The following ADAMTS3 variants were observed in gnomAD, a reference collection of about 807,000 sequenced individuals.
ADAMTS3 encodes the protein A disintegrin and metalloproteinase with thrombospondin motifs 3.
Under a neutral mutation model 129.0 loss-of-function variants are expected in ADAMTS3, and 73 were observed. The ratio of observed to expected loss-of-function variants is 0.57; its 90% CI spans 0.47 to 0.69. The LOEUF (loss-of-function observed/expected upper bound fraction) is 0.69. Among genes scored for constraint, ADAMTS3 ranks in the 30% least tolerant of loss-of-function variants. ADAMTS3 has a pLI of 0.00. For synonymous variants in ADAMTS3, 477 were observed against 510.8 expected (o/e 0.93, Z 0.89); for missense variants, 1,457 against 1,514.5 (o/e 0.96, Z 0.63).
intron 4 of ADAMTS3, among the ~76,000 whole-genome samples, chr4:72,414,081 A>T (rs1462635604): frequency 1.3e-5 from 2 of 151,832 alleles, no homozygotes; most frequent in Non-Finnish European, 1.5e-5. Context: ...TCTATTCTTC[A>T]TTAAGAAAGT....
At chr4:72,413,142 A>G (rs190071454) in intron 4 of ADAMTS3, among the ~76,000 whole-genome samples, 74 of 152,112 alleles carry the variant, frequency 4.9e-4, no homozygotes, top group African/African-American at 1.8e-3. Context: ...GCTAATATTT[A>G]TAGAAATAGA....
chr4:72,529,708 A>G (rs1308500176), intron 3 of ADAMTS3, among the ~76,000 whole-genome samples: 4 of 115,970 alleles, frequency 3.4e-5, no homozygotes, highest in Non-Finnish European at 6.7e-5. Context: ...TATTAATATT[A>G]AATATAATAT....
intron 3 of ADAMTS3, among the ~76,000 whole-genome samples, chr4:72,425,127 C>G (rs1188613271): frequency 6.6e-6 from 1 of 152,026 alleles, no homozygotes; most frequent in Admixed American, 6.6e-5. Context: ...AATGTATTAG[C>G]AATGCTTGGC....
rs1418132019 is a variant in ADAMTS3 at position 72,313,635 on chromosome 4, T to C, written c.1745+42A>G. The stretch of plus-strand genomic sequence containing the variant: ...AATAACATAATATTGAAGTATTTTC[T>C]GGTCTCTCCAAAAATAACAAGAGTT... On this transcript the variant is annotated intron_variant, in intron 12 of 21. Coordinates refer to ENST00000286657, the MANE Select transcript of ADAMTS3 (RefSeq NM_014243.3). 4 of 1,600,026 alleles carry C rather than the reference T, an allele frequency of 2.5e-6. No homozygotes were observed. In the African/African-American group the frequency reaches 4.0e-5, roughly 16 times the overall value.
chr4:72,450,202 A>G (rs1718357880), intron 3 of ADAMTS3, among the ~76,000 whole-genome samples: 1 of 151,782 alleles, frequency 6.6e-6, no homozygotes, highest in African/African-American at 2.4e-5. Context: ...AGTTTGAAAA[A>G]GAGGTGGACA....
At chr4:72,494,533 A>G (rs1719825890) in intron 3 of ADAMTS3, among the ~76,000 whole-genome samples, 1 of 152,150 alleles carries the variant, frequency 6.6e-6, no homozygotes. Flanking sequence ...TAATTTCCTT[A>G]AAAGAATTAT....
At chr4:72,410,549 T>C (rs2109920629) in intron 4 of ADAMTS3, among the ~76,000 whole-genome samples, 1 of 152,228 alleles carries the variant, frequency 6.6e-6, no homozygotes, top group Admixed American at 6.5e-5. Flanking sequence ...AGGGATTAAA[T>C]TAAAAATGTA....
At chr4:72,479,264 G>A (rs1353989471) in intron 3 of ADAMTS3, among the ~76,000 whole-genome samples, 1 of 152,128 alleles carries the variant, frequency 6.6e-6, no homozygotes, top group Admixed American at 6.6e-5. Flanking sequence ...GAACAAAGCT[G>A]GAGGCATCAC....
At position 72,548,864 on chromosome 4, in the gene ADAMTS3, T is replaced by C; in HGVS notation, c.118A>G (p.Arg40Gly). Residue 40 changes from arginine to glycine, a missense_variant, in exon 3 of 22, where the codon AGA becomes GGA. Arg to Gly is a moderately radical substitution (Grantham distance 125, BLOSUM62 -2). Coordinates refer to ENST00000286657, the MANE Select transcript of ADAMTS3 (RefSeq NM_014243.3). ...ACTGGAGTCACCAGCTCATACTCTC[T>C]ATATCTCTTTATTGGTAAATCTGTG... Reference protein sequence around the residue: ...VQIDLPIKRYREYELVTPVST... With the variant: ...VQIDLPIKRYGEYELVTPVST... The C allele has an allele frequency of 6.2e-7, 1 of 1,609,280 alleles. No homozygotes were observed. The highest frequency in any genetic ancestry group is 8.5e-7 in the Non-Finnish European group (1 of 1,177,274).
intron 5 of ADAMTS3, chr4:72,330,544 C>T (rs1400054328): frequency 2.0e-5 from 3 of 152,218 alleles, no homozygotes; most frequent in African/African-American, 7.2e-5. Context: ...CATTCTACTA[C>T]CAAGTACCGC....
chr4:72,529,796 TATA>T (rs1356056000), intron 3 of ADAMTS3, among the ~76,000 whole-genome samples: 2 of 96,598 alleles, frequency 2.1e-5, no homozygotes, highest in East Asian at 5.2e-4. Context: ...TATAATTTAA[TATA>T]ATATATATTA....
intron 2 of ADAMTS3, among the ~76,000 whole-genome samples, chr4:72,555,510 G>A (rs1721740868): frequency 6.6e-6 from 1 of 151,718 alleles, no homozygotes; most frequent in South Asian, 2.1e-4. Flanking sequence ...CTCCTGGCCT[G>A]AGCTTCCATA....
Position 72,568,798 on chromosome 4 carries a change from G to T in ADAMTS3, c.-36C>A, listed in dbSNP as rs2109814757. On this transcript the variant is annotated 5_prime_UTR_variant, in exon 1 of 22. Coordinates refer to ENST00000286657, the MANE Select transcript of ADAMTS3 (RefSeq NM_014243.3). ...GTTCACTTTCCAACTACTGGGCAAA[G>T]CAAATGCCCAGAGCAAACCCACCCC... 1.3e-6 allele frequency: 2 copies of T among 1,544,632 alleles called. No homozygotes were observed. The highest frequency in any genetic ancestry group is 8.9e-7 in the Non-Finnish European group (1 of 1,120,838).
intron 13 of ADAMTS3, chr4:72,312,051 T>C: frequency 2.4e-6 from 1 of 419,924 alleles, no homozygotes. Flanking sequence ...TCCTTTCCAC[T>C]GGTCTTTTCA....
At chr4:72,288,601 G>A in intron 21 of ADAMTS3, 150 bp downstream of exon 21, 2 of 620,988 alleles carry the variant, frequency 3.2e-6, no homozygotes, top group South Asian at 2.0e-5. Flanking sequence ...TGATCTTAAA[G>A]AACTGAACTG....
At chr4:72,490,028 C>A (rs578079028) in intron 3 of ADAMTS3, among the ~76,000 whole-genome samples, 1 of 151,892 alleles carries the variant, frequency 6.6e-6, no homozygotes, top group Admixed American at 6.6e-5. Flanking sequence ...CAACACTTAT[C>A]TTTCACTTTT....
intron 3 of ADAMTS3, among the ~76,000 whole-genome samples, chr4:72,462,324 A>G (rs562835793): frequency 1.3e-5 from 2 of 151,940 alleles, no homozygotes; most frequent in South Asian, 4.1e-4. Flanking sequence ...TGTAAACCAG[A>G]AAGATGATTT....
At position 72,522,809 on chromosome 4, in the gene ADAMTS3, C is replaced by A. The variant is rs566126354; in HGVS notation, c.504+25669G>T. On this transcript the variant is annotated intron_variant, in intron 3 of 21. Transcript: ENST00000286657. ...TTAAAACATTTTTCAAAGGTTATAA[C>A]CTTATAAAAGTTAATGCATTAACTT... Among the ~76,000 whole-genome samples, 12 of 151,974 alleles carry A rather than the reference C, an allele frequency of 7.9e-5. No individual in the cohort carries two copies. The South Asian group carries it at 2.1e-3, about 26-fold the overall frequency.
intron 2 of ADAMTS3, among the ~76,000 whole-genome samples, chr4:72,563,510 C>CA (rs1290703035): frequency 1.3e-5 from 2 of 152,012 alleles, no homozygotes; most frequent in Admixed American, 1.3e-4. Flanking sequence ...GTTAAAAAAA[C>CA]AAAAAATTAG....
Sources: allele counts gnomAD v4.1 joint callset (sites outside exome capture counted in the v4.1 genomes callset), GRCh38; gene constraint gnomAD v4.1.1; transcripts MANE v1.5; gene names NCBI Gene and HGNC (gene_info 2026-07-23, HGNC 2026-07-21).